ZNF560: variants seen among roughly 807,000 people sequenced by gnomAD.
ZNF560 encodes the protein zinc finger protein 560.
Under a neutral mutation model 81.8 loss-of-function variants are expected in ZNF560, and 54 were observed. The ratio of observed to expected loss-of-function variants is 0.66; its 90% CI spans 0.53 to 0.83. ZNF560 has a LOEUF of 0.83. Ranked by LOEUF, ZNF560 falls within the 40% of genes least tolerant of loss-of-function variation. The pLI, the probability that ZNF560 is intolerant of heterozygous loss-of-function variation, is 0.00. For missense variants in ZNF560, 940 were observed against 932.4 expected (o/e 1.01, Z -0.11); for synonymous variants, 321 against 317.9 (o/e 1.01, Z -0.10).
chr19:9,462,418 A>G (rs1167119508), downstream of ZNF560, among the ~76,000 whole-genome samples: 1 of 152,222 alleles, frequency 6.6e-6, no homozygotes, highest in Non-Finnish European at 1.5e-5. Flanking sequence ...GTTAATCTAC[A>G]AACTACAGAA....
chr19:9,480,124 T>TC (rs2073263790), intron 2 of ZNF560, among the ~76,000 whole-genome samples: 1 of 152,018 alleles, frequency 6.6e-6, no homozygotes, highest in Non-Finnish European at 1.5e-5. Context: ...ACCAAAACAA[T>TC]CTAACAACAT....
At chr19:9,493,205 A>T (rs1009716971) in intron 2 of ZNF560, among the ~76,000 whole-genome samples, 3 of 152,100 alleles carry the variant, frequency 2.0e-5, no homozygotes, top group Non-Finnish European at 4.4e-5. Context: ...TTCAGAAGGA[A>T]GGTTTGAGTC....
chr19:9,480,569 A>C (rs1480926488), intron 2 of ZNF560, among the ~76,000 whole-genome samples: 1 of 152,188 alleles, frequency 6.6e-6, no homozygotes, highest in Non-Finnish European at 1.5e-5. Flanking sequence ...GAAACTAAAA[A>C]AAAATCACAA....
Position 9,473,278 on chromosome 19 carries a change from T to A in ZNF560, c.158-19A>T, listed in dbSNP as rs1324064655. The stretch of plus-strand genomic sequence containing the variant: ...TGAAATCCTTTACATGAAGAAATGA[T>A]ACATTAATGGAAGAGGCTCAGGCCA... On this transcript the variant is annotated intron_variant, in intron 4 of 9. Transcript: ENST00000301480. 6.3e-7 allele frequency: 1 copy of A among 1,589,774 alleles called. No homozygotes were observed. The highest frequency in any genetic ancestry group is 8.6e-7 in the Non-Finnish European group (1 of 1,165,530).
chr19:9,503,243 T>C (rs2073645891), upstream of ZNF560, among the ~76,000 whole-genome samples: 1 of 152,164 alleles, frequency 6.6e-6, no homozygotes, highest in African/African-American at 2.4e-5. Flanking sequence ...ATAATAATTT[T>C]CCACTGAGCA....
At chr19:9,459,832 G>A in the ZNF560 span, among the ~76,000 whole-genome samples, 1 of 152,172 alleles carries the variant, frequency 6.6e-6, no homozygotes, top group Non-Finnish European at 1.5e-5. Context: ...CCTGGGCTTA[G>A]ACTGTAGTGC....
the ZNF560 span, among the ~76,000 whole-genome samples, chr19:9,451,616 T>G: frequency 6.6e-6 from 1 of 152,180 alleles, no homozygotes; most frequent in Non-Finnish European, 1.5e-5. Flanking sequence ...AATTGATAAG[T>G]AGGACCTAAT....
chr19:9,484,762 G>A (rs551290116), intron 2 of ZNF560, among the ~76,000 whole-genome samples: 12 of 150,272 alleles, frequency 8.0e-5, no homozygotes, highest in East Asian at 7.8e-4. Context: ...CAGCCTGGGC[G>A]ACAGAGCAAG....
Position 9,467,977 on chromosome 19 carries a change from GCT to G in ZNF560, c.968_969del (p.Lys323ThrfsTer17). ...TQSGEKLNEW[K>X]QCGEAFTHST... ...GAGTGAGTAAATGCTTCCCCACATTGCTTCCATTCATTGAGTTTTTCTCCACT... is the reference window on the plus strand; with the variant it reads ...GAGTGAGTAAATGCTTCCCCACATTGTCCATTCATTGAGTTTTTCTCCACT... On this transcript the variant is annotated frameshift_variant, in exon 10 of 10. Coordinates refer to ENST00000301480, the MANE Select transcript of ZNF560 (RefSeq NM_152476.3). LOFTEE classifies it high-confidence loss of function. 3 of 1,614,088 alleles carry G rather than the reference GCT, an allele frequency of 1.9e-6. No homozygotes were observed. The highest frequency in any genetic ancestry group is 2.5e-6 in the Non-Finnish European group (3 of 1,180,016).
chr19:9,466,430 A>C lies in ZNF560; in HGVS notation c.*144T>G, dbSNP rs2073017096. On this transcript the variant is annotated 3_prime_UTR_variant, in exon 10 of 10. Transcript: ENST00000301480. ...TTCTCTACAGTGTGAGTTTGTACAT[A>C]TCTAGAAAGATTCAACTGTTCAGGC... 5.6e-6 allele frequency: 4 copies of C among 710,726 alleles called. No homozygotes were observed. The highest frequency in any genetic ancestry group is 6.9e-6 in the Non-Finnish European group (3 of 432,886). The allele number at this position is 710,726 out of a possible 1,614,324, so 44.0% of individuals were successfully genotyped here. A position where few individuals can be genotyped will look rare whatever the true frequency, so the allele number is the denominator to read the frequency against.
intron 2 of ZNF560, among the ~76,000 whole-genome samples, chr19:9,496,934 CA>C (rs113085830): frequency 0.05 from 7,287 of 146,280 alleles, 602 homozygotes; most frequent in African/African-American, 0.17. Context: ...GACTGTGTCT[CA>C]AAAAAAAAAT....
chr19:9,483,994 C>T (rs929022842), intron 2 of ZNF560, among the ~76,000 whole-genome samples: 15 of 152,242 alleles, frequency 9.9e-5, no homozygotes, highest in Admixed American at 1.3e-4. Flanking sequence ...GACCTTACCC[C>T]CAACCCGGTG....
intron 2 of ZNF560, among the ~76,000 whole-genome samples, chr19:9,485,509 GAAA>G (rs36106807): frequency 7.9e-6 from 1 of 127,380 alleles, no homozygotes; most frequent in Non-Finnish European, 1.6e-5. Context: ...TACATCTCAA[GAAA>G]AAAAAAAAAA....
the ZNF560 span, among the ~76,000 whole-genome samples, chr19:9,455,715 A>C: frequency 1.3e-5 from 2 of 152,214 alleles, no homozygotes; most frequent in East Asian, 3.9e-4. Flanking sequence ...TGACAATGCT[A>C]ATCCCAAGTG....
the ZNF560 span, among the ~76,000 whole-genome samples, chr19:9,448,260 T>C: frequency 1.2e-4 from 19 of 152,012 alleles, no homozygotes; most frequent in African/African-American, 4.3e-4. Flanking sequence ...TTCAGACATT[T>C]CACTCTTGTT....
upstream of ZNF560, among the ~76,000 whole-genome samples, chr19:9,503,094 AC>A (rs2073644409): frequency 6.6e-6 from 1 of 152,030 alleles, no homozygotes; most frequent in Non-Finnish European, 1.5e-5. Context: ...TGTGGCTCAC[AC>A]CTGTACTCCC....
chr19:9,465,651 A>G (rs1025463961), downstream of ZNF560, among the ~76,000 whole-genome samples: 1 of 152,208 alleles, frequency 6.6e-6, no homozygotes, highest in Non-Finnish European at 1.5e-5. Context: ...CAATGTGACT[A>G]TTAAGGCATA....
At chr19:9,473,708 T>C (rs2073157198) in intron 4 of ZNF560, among the ~76,000 whole-genome samples, 1 of 148,520 alleles carries the variant, frequency 6.7e-6, no homozygotes, top group African/African-American at 2.6e-5. Context: ...CTTATTTCTG[T>C]GCACCCCAAA....
At chr19:9,450,371 CAATCAAAGA>C in the ZNF560 span, among the ~76,000 whole-genome samples, 1 of 151,906 alleles carries the variant, frequency 6.6e-6, no homozygotes, top group Non-Finnish European at 1.5e-5. Context: ...CCAGCCAGAA[CAATCAAAGA>C]AATAAAAGGC....
Sources: allele counts gnomAD v4.1 joint callset (sites outside exome capture counted in the v4.1 genomes callset), GRCh38; gene constraint gnomAD v4.1.1; transcripts MANE v1.5; gene names NCBI Gene and HGNC (gene_info 2026-07-23, HGNC 2026-07-21).